CACNA2D1: variants seen among roughly 807,000 people sequenced by gnomAD.
CACNA2D1 encodes voltage-dependent calcium channel subunit alpha-2/delta-1.
In CACNA2D1, 53 loss-of-function variants were observed where a neutral mutation model predicts 171.5. That is an observed-to-expected ratio of 0.31 (90% CI 0.25 to 0.39). CACNA2D1 has a LOEUF of 0.39. Ranked by LOEUF, CACNA2D1 falls within the 10% of genes least tolerant of loss-of-function variation. CACNA2D1 has a pLI of 1.00. For missense variants in CACNA2D1, 903 were observed against 1,299.8 expected (o/e 0.69, Z 4.69); for synonymous variants, 442 against 443.1 (o/e 1.00, Z 0.03).
At chr7:82,230,389 AT>A (rs150180508) in intron 3 of CACNA2D1, among the ~76,000 whole-genome samples, 1,796 of 152,312 alleles carry the variant, frequency 0.012, 29 homozygotes, top group African/African-American at 0.041. Context: ...ATGCTTCACA[AT>A]TTATATTGGG....
At chr7:82,181,041 A>ATGTTTTTTTT (rs1797077264) in intron 3 of CACNA2D1, among the ~76,000 whole-genome samples, 1 of 13,942 alleles carries the variant, frequency 7.2e-5, no homozygotes. Context: ...GGCATGTCGG[A>ATGTTTTTTTT]TTTTTTTTTT....
At chr7:82,087,322 T>G (rs2129014335) in intron 6 of CACNA2D1, among the ~76,000 whole-genome samples, 1 of 152,240 alleles carries the variant, frequency 6.6e-6, no homozygotes, top group South Asian at 2.1e-4. Context: ...AATGCAAAAT[T>G]ACTACAGCCT....
intron 3 of CACNA2D1, among the ~76,000 whole-genome samples, chr7:82,194,719 T>C (rs539431101): frequency 6.6e-6 from 1 of 152,002 alleles, no homozygotes; most frequent in Admixed American, 6.6e-5. Context: ...CAACAATGTC[T>C]GGCAAAGGTC....
At chr7:82,033,552 C>A (rs1802964790) in intron 11 of CACNA2D1, among the ~76,000 whole-genome samples, 1 of 152,010 alleles carries the variant, frequency 6.6e-6, no homozygotes, top group Non-Finnish European at 1.5e-5. Flanking sequence ...TGTTTGAAAT[C>A]ACAAATCCTA....
chr7:81,967,305 CA>C lies in CACNA2D1; in HGVS notation c.2464-99del, dbSNP rs1212558590. 9.4e-5 allele frequency: 97 copies of C among 1,036,906 alleles called. 1 individual carries two copies. The East Asian group carries it at 2.5e-3, about 27-fold the overall frequency. 64.2% of individuals were successfully genotyped at this position (1,036,906 alleles called of 1,614,324 possible). On this transcript the variant is annotated intron_variant, in intron 30 of 38. Transcript: ENST00000356860. ...ATTAGAAATTCTGAAATAATTTATC[CA>C]GTAGAAAAATAAGATTAAACAGTCT... is the stretch of plus-strand genomic sequence containing the variant.
At chr7:82,183,969 G>T in intron 3 of CACNA2D1, among the ~76,000 whole-genome samples, 1 of 151,842 alleles carries the variant, frequency 6.6e-6, no homozygotes. Flanking sequence ...TTGACTGGTG[G>T]TAAACTATTT....
At position 82,345,620 on chromosome 7, in the gene CACNA2D1, G is replaced by A. The variant is rs1381228016; in HGVS notation, c.177+3948C>T. On this transcript the variant is annotated intron_variant, in intron 2 of 38. Transcript: ENST00000356860. ...TTAAGACTATTTAATTTTTAAAAATGTTATCTATTCATAAATATGTGATGA... is the reference window on the plus strand; with the variant it reads ...TTAAGACTATTTAATTTTTAAAAATATTATCTATTCATAAATATGTGATGA... 2.0e-5 allele frequency among the ~76,000 whole-genome samples: 3 copies of A among 150,858 alleles called. No homozygotes were observed. The East Asian group carries it at 5.9e-4, about 30-fold the overall frequency.
chr7:82,041,895 A>T (rs561054018), intron 10 of CACNA2D1, among the ~76,000 whole-genome samples: 4 of 152,356 alleles, frequency 2.6e-5, no homozygotes, highest in Admixed American at 6.5e-5. Flanking sequence ...TAAACCATGA[A>T]TCACCATAAA....
At chr7:82,378,560 C>T (rs1015269360) in intron 1 of CACNA2D1, among the ~76,000 whole-genome samples, 2 of 152,076 alleles carry the variant, frequency 1.3e-5, no homozygotes, top group African/African-American at 2.4e-5. Context: ...TTGAACCATA[C>T]TGTCTCCCTA....
chr7:82,099,651 G>GT (rs1394052434), intron 6 of CACNA2D1, among the ~76,000 whole-genome samples: 1 of 67,326 alleles, frequency 1.5e-5, no homozygotes, highest in African/African-American at 4.5e-5. Flanking sequence ...GGGTTTCACC[G>GT]TGTTAGCCGG....
chr7:82,430,261 T>TA (rs941007200), intron 1 of CACNA2D1, among the ~76,000 whole-genome samples: 1 of 151,424 alleles, frequency 6.6e-6, no homozygotes, highest in African/African-American at 2.4e-5. Context: ...ACTCAGAATA[T>TA]AAAAAAATTA....
At chr7:82,424,014 C>T (rs1461738523) in intron 1 of CACNA2D1, among the ~76,000 whole-genome samples, 1 of 152,082 alleles carries the variant, frequency 6.6e-6, no homozygotes, top group Non-Finnish European at 1.5e-5. Context: ...AATTGATTTT[C>T]ATTCCATTTC....
chr7:82,226,163 G>A (rs532759136), intron 3 of CACNA2D1, among the ~76,000 whole-genome samples: 2 of 152,164 alleles, frequency 1.3e-5, no homozygotes, highest in Admixed American at 6.5e-5. Flanking sequence ...TCTTATTTAT[G>A]GCAAAGTAAC....
Position 81,970,751 on chromosome 7 carries a change from C to A in CACNA2D1, c.2142-14G>T. On this transcript the variant is annotated splice_polypyrimidine_tract_variant and intron_variant, in intron 26 of 38. Coordinates refer to ENST00000356860, the MANE Select transcript of CACNA2D1 (RefSeq NM_000722.4). ...TTCACTCCCTTGCTGAAACAGAAGA[C>A]AAAACAAGGAAATGTTCTATTGAAC... 17 of 1,519,402 alleles carry A rather than the reference C, an allele frequency of 1.1e-5. No individual in the cohort carries two copies. Among genetic ancestry groups the A allele is most frequent in the Non-Finnish European group, 1.5e-5 (16 of 1,094,690 alleles). The allele number at this position is 1,519,402 out of a possible 1,614,324, so 94.1% of individuals were successfully genotyped here.
intron 3 of CACNA2D1, among the ~76,000 whole-genome samples, chr7:82,261,315 C>A (rs1036636172): frequency 1.5e-4 from 23 of 152,136 alleles, no homozygotes; most frequent in African/African-American, 5.3e-4. Flanking sequence ...TTTGGCAAAC[C>A]CTGCATTGTG....
At chr7:82,075,213 C>T (rs1461621834) in intron 7 of CACNA2D1, among the ~76,000 whole-genome samples, 1 of 96,788 alleles carries the variant, frequency 1.0e-5, no homozygotes, top group Admixed American at 1.1e-4. Flanking sequence ...GATAAATCAC[C>T]ATAATTAAAA....
At chr7:82,201,127 G>A (rs1013289068) in intron 3 of CACNA2D1, among the ~76,000 whole-genome samples, 3 of 152,168 alleles carry the variant, frequency 2.0e-5, no homozygotes, top group Non-Finnish European at 4.4e-5. Context: ...ATACCAGGTA[G>A]GGTATTGGAA....
intron 1 of CACNA2D1, among the ~76,000 whole-genome samples, chr7:82,384,091 T>C (rs1333415647): frequency 1.3e-5 from 2 of 152,178 alleles, no homozygotes. Flanking sequence ...TTATAGTATA[T>C]ACTGAAACCT....
chr7:82,159,388 C>T (rs1246610539), intron 4 of CACNA2D1, among the ~76,000 whole-genome samples: 2 of 151,740 alleles, frequency 1.3e-5, no homozygotes, highest in Non-Finnish European at 1.5e-5. Context: ...GACTATTCAT[C>T]AAGTTTCCAA....
Sources: gnomAD v4.1 joint callset for allele counts (sites outside exome capture counted in the v4.1 genomes callset) on GRCh38, gnomAD v4.1.1 for gene constraint, MANE v1.5 for transcripts, NCBI Gene and HGNC (gene_info 2026-07-23, HGNC 2026-07-21) for gene names.